The following FAM3B variants were observed in gnomAD, a reference collection of about 807,000 sequenced individuals.
FAM3B encodes the protein protein FAM3B.
A neutral mutation model predicts 28.4 loss-of-function variants in FAM3B; 29 were observed. That is an observed-to-expected ratio of 1.02 (90% CI 0.76 to 1.39). The LOEUF is 1.39. Among genes scored for constraint, FAM3B ranks in the 40% most tolerant of loss-of-function variants. FAM3B has a pLI of 0.00. For synonymous variants in FAM3B, 91 were observed against 103.0 expected (o/e 0.88, Z 0.71); for missense variants, 266 against 293.9 (o/e 0.91, Z 0.69).
rs950267383 is a variant in FAM3B at position 41,304,363 on chromosome 21, G to A, written n.99+53G>A. ...AGGGGAAGGATGGACGGGGCAGGAC[G>A]CTGCCGCCTGCATCTGGGACCCTGA... On this transcript the variant is annotated intron_variant and non_coding_transcript_variant, in intron 1 of 9. Coordinates refer to the FAM3B transcript ENST00000479810. The A allele has an allele frequency of 1.7e-4, 76 of 452,288 alleles. 1 individual carries two copies. The highest frequency in any genetic ancestry group is 1.5e-3 in the African/African-American group (73 of 49,906). The allele number at this position is 452,288 out of a possible 1,614,324, so 28.0% of individuals were successfully genotyped here.
intron 2 of FAM3B, among the ~76,000 whole-genome samples, chr21:41,337,803 A>G (rs768981902): frequency 5.3e-5 from 8 of 151,164 alleles, no homozygotes; most frequent in Non-Finnish European, 8.9e-5. Flanking sequence ...TGTGTGCTGT[A>G]TATGGTGTGT....
At chr21:41,351,473 G>A (rs2089120003) in intron 7 of FAM3B, among the ~76,000 whole-genome samples, 1 of 152,220 alleles carries the variant, frequency 6.6e-6, no homozygotes, top group Admixed American at 6.5e-5. Context: ...GGCGCTAAAG[G>A]ATGTTTGCTC....
intron 2 of FAM3B, among the ~76,000 whole-genome samples, chr21:41,333,667 G>A (rs983979298): frequency 6.6e-6 from 1 of 152,198 alleles, no homozygotes; most frequent in Non-Finnish European, 1.5e-5. Flanking sequence ...GGCAGTGCAA[G>A]AATGGACTAA....
At chr21:41,329,710 C>T (rs183004567) in intron 2 of FAM3B, among the ~76,000 whole-genome samples, 12 of 152,208 alleles carry the variant, frequency 7.9e-5, no homozygotes, top group African/African-American at 2.9e-4. Context: ...GCTGGGATTA[C>T]AGGTGCTCAC....
At chr21:41,333,357 G>A (rs1211950670) in intron 2 of FAM3B, among the ~76,000 whole-genome samples, 1 of 152,140 alleles carries the variant, frequency 6.6e-6, no homozygotes, top group Admixed American at 6.5e-5. Flanking sequence ...TCATGGGAGT[G>A]GATTTCTTAT....
At chr21:41,325,241 A>G (rs1226310510) in intron 2 of FAM3B, among the ~76,000 whole-genome samples, 2 of 152,248 alleles carry the variant, frequency 1.3e-5, no homozygotes, top group East Asian at 3.8e-4. Flanking sequence ...GAGGCACCTA[A>G]TAAATCATGA....
chr21:41,357,220 G>A lies in FAM3B; in HGVS notation c.*23G>A. ...TGACACTGCAGGGTCCTGAGTAAATGTGTTCTGTATAAACAAATGCAGCTG... is the reference window on the plus strand; with the variant it reads ...TGACACTGCAGGGTCCTGAGTAAATATGTTCTGTATAAACAAATGCAGCTG... On this transcript the variant is annotated 3_prime_UTR_variant, in exon 8 of 8. Transcript: ENST00000357985. 1 of 1,551,498 alleles carries A rather than the reference G, an allele frequency of 6.4e-7. No individual in the cohort carries two copies.
At chr21:41,317,732 T>C (rs925896170) in intron 1 of FAM3B, among the ~76,000 whole-genome samples, 1 of 152,122 alleles carries the variant, frequency 6.6e-6, no homozygotes, top group Non-Finnish European at 1.5e-5. Flanking sequence ...AGGTCCTCTG[T>C]AGTGAGGGTG....
chr21:41,329,610 T>TG (rs2088886746), intron 2 of FAM3B, among the ~76,000 whole-genome samples: 1 of 151,622 alleles, frequency 6.6e-6, no homozygotes, highest in African/African-American at 2.4e-5. Context: ...TGCTCTGTCA[T>TG]CCAAACTGGA....
At position 41,318,040 on chromosome 21, in the gene FAM3B, C is replaced by A. The variant is rs2088766459; in HGVS notation, c.19+1142C>A. 2.0e-5 allele frequency among the ~76,000 whole-genome samples: 3 copies of A among 152,070 alleles called. No homozygotes were observed. In the South Asian group the frequency reaches 6.2e-4, roughly 32 times the overall value. ...TTTCTGTATTGTATAATTATTATTT[C>A]CTGGTGACTTATGGACAATACTGAA... is the stretch of plus-strand genomic sequence containing the variant. On this transcript the variant is annotated intron_variant, in intron 1 of 7. Transcript: ENST00000357985.
At chr21:41,346,864 C>T (rs2089065354) in intron 5 of FAM3B, 149 bp from the exon 6 acceptor site, 22 of 694,498 alleles carry the variant, frequency 3.2e-5, no homozygotes, top group South Asian at 2.4e-4. Context: ...CCAGAGCTAG[C>T]ACACCATCTG....
intron 1 of FAM3B, among the ~76,000 whole-genome samples, chr21:41,309,660 C>G (rs2088699298): frequency 6.6e-6 from 1 of 152,236 alleles, no homozygotes; most frequent in South Asian, 2.1e-4. Flanking sequence ...TGTACAGACA[C>G]ATTTGGCACA....
At position 41,345,710 on chromosome 21, in the gene FAM3B, C is replaced by T. The variant is rs1272980327; in HGVS notation, c.371C>T (p.Thr124Ile). The T allele has an allele frequency of 1.3e-6, 2 of 1,545,420 alleles. No individual in the cohort carries two copies. Reference sequence around the variant, plus strand: ...GATGTAACTGGGAATGTGACAGCAACACGATGTTTTGATATGTATGAAGGT... The same window carrying T: ...GATGTAACTGGGAATGTGACAGCAATACGATGTTTTGATATGTATGAAGGT... ...VNYVTGNVTA[T>I]RCFDMYEGDN... is the part of the protein sequence containing the mutation. The change falls in exon 5 of 8, where the codon ACA becomes ATA. Residue 124 changes from threonine (T) to isoleucine (I), a missense_variant. Coordinates refer to ENST00000357985, the MANE Select transcript of FAM3B (RefSeq NM_058186.4).
At position 41,347,142 on chromosome 21, in the gene FAM3B, C is replaced by G. The variant is rs754095511; in HGVS notation, c.485+42C>G. The stretch of plus-strand genomic sequence containing the variant: ...CTGTCACAGCGGTGGGCAAGAGAAG[C>G]CAGCTGGGGCAGAGGCTGCCAGGGT... On this transcript the variant is annotated intron_variant, in intron 6 of 7. Transcript: ENST00000357985. The G allele has an allele frequency of 3.2e-6, 5 of 1,568,972 alleles. No individual in the cohort carries two copies. The Admixed American group carries it at 5.0e-5, about 16-fold the overall frequency.
chr21:41,348,528 G>A, intron 6 of FAM3B, 64 bp from the exon 7 acceptor site: 3 of 1,600,572 alleles, frequency 1.9e-6, no homozygotes, highest in East Asian at 2.2e-5. Flanking sequence ...CACATCCAGA[G>A]CAGAGTTCCT....
Position 41,322,945 on chromosome 21 carries a change from G to A in FAM3B, c.42G>A (p.Val14=). The change falls in exon 2 of 8, where the codon GTG becomes GTA. Residue 14 remains valine, a synonymous_variant. Coordinates refer to ENST00000357985, the MANE Select transcript of FAM3B (RefSeq NM_058186.4). ...CAGGCCTGCTCAAGGTGGTGTTCGT[G>A]GTCTTCGCCTCCTTGTGTGCCTGGT... The part of the protein sequence containing the change: ...LAGGLLKVVF[V]VFASLCAWYS... The A allele has an allele frequency of 6.2e-7, 1 of 1,613,774 alleles. No individual in the cohort carries two copies. The highest frequency in any genetic ancestry group is 2.2e-5 in the East Asian group (1 of 44,876).
upstream of FAM3B, among the ~76,000 whole-genome samples, chr21:41,315,751 A>G (rs1027989368): frequency 2.0e-5 from 3 of 152,178 alleles, no homozygotes; most frequent in Non-Finnish European, 4.4e-5. Flanking sequence ...GAATAAAGCC[A>G]CATTGTCCAC....
At chr21:41,345,575 GT>G in intron 4 of FAM3B, 110 bp from the exon 5 acceptor site, 2 of 641,000 alleles carry the variant, frequency 3.1e-6, no homozygotes, top group Non-Finnish European at 5.4e-6. Context: ...CATCAGTGGT[GT>G]TTGCTGGAGA....
At chr21:41,338,328 GT>G in intron 2 of FAM3B, 49 bp from the exon 3 acceptor site, 1 of 1,605,590 alleles carries the variant, frequency 6.2e-7, no homozygotes, top group South Asian at 1.1e-5. Context: ...AGGTGCATCT[GT>G]AAATTACTGT....
Sources: gnomAD v4.1 joint callset for allele counts (sites outside exome capture counted in the v4.1 genomes callset) on GRCh38, gnomAD v4.1.1 for gene constraint, MANE v1.5 for transcripts, NCBI Gene and HGNC (gene_info 2026-07-23, HGNC 2026-07-21) for gene names.